The following DAPK2 variants were observed in gnomAD, a reference collection of about 807,000 sequenced individuals.
DAPK2 encodes the protein death associated protein kinase 2, also known as death-associated protein kinase 2.
In DAPK2, 35 loss-of-function variants were observed where a neutral mutation model predicts 44.1. That is an observed-to-expected ratio of 0.79 (90% CI 0.61 to 1.05). The LOEUF (loss-of-function observed/expected upper bound fraction) is 1.05, where lower values mean the gene tolerates loss of function less well. DAPK2 is among the 50% of genes least tolerant of loss of function. The pLI, the probability that DAPK2 is intolerant of heterozygous loss-of-function variation, is 0.00. For synonymous variants in DAPK2, 174 were observed against 182.6 expected, an observed-to-expected ratio of 0.95 and a Z score of 0.38; for missense variants, 453 against 483.2, an observed-to-expected ratio of 0.94 and a Z score of 0.59.
chr15:63,930,033 A>G (rs948433381), intron 5 of DAPK2, among the ~76,000 whole-genome samples: 2 of 152,230 alleles, frequency 1.3e-5, no homozygotes, highest in Non-Finnish European at 2.9e-5. Context: ...GGCCCAGCAC[A>G]GTGCCCAGAA....
chr15:64,037,546 G>A (rs917991914), intron 1 of DAPK2, among the ~76,000 whole-genome samples: 11 of 152,218 alleles, frequency 7.2e-5, no homozygotes, highest in Admixed American at 1.3e-4. Context: ...AACTGCCAGA[G>A]GACAGGACTG....
rs1190112329 is a variant in DAPK2, at chr15:63,923,504, TA to T, written c.858+1311del. 2.0e-5 allele frequency among the ~76,000 whole-genome samples: 3 copies of T among 152,164 alleles called. No homozygotes were observed. The highest frequency in any genetic ancestry group is 7.2e-5 in the African/African-American group (3 of 41,432). ...GTGGGATGAGCACCTCCTTAGGCCATAAGTGAGGTCAAGGAGTGTGGGGGTG... is the reference window on the plus strand; with the variant it reads ...GTGGGATGAGCACCTCCTTAGGCCATAGTGAGGTCAAGGAGTGTGGGGGTG... On this transcript the variant is annotated intron_variant, in intron 8 of 10. Transcript: ENST00000261891. The surrounding 1 kb of genome is among the most constrained non-coding windows in gnomAD (Gnocchi z 4.2).
chr15:64,009,411 G>A (rs2141012293), intron 1 of DAPK2, among the ~76,000 whole-genome samples: 1 of 152,178 alleles, frequency 6.6e-6, no homozygotes, highest in African/African-American at 2.4e-5. Context: ...CTCTGCTCAA[G>A]ATTATTTTCT....
At chr15:64,007,255 A>G (rs1474679722) in intron 1 of DAPK2, among the ~76,000 whole-genome samples, 1 of 152,084 alleles carries the variant, frequency 6.6e-6, no homozygotes, top group East Asian at 1.9e-4. Flanking sequence ...ACGCACCACC[A>G]TGCCCAGCCA....
chr15:63,947,912 C>A (rs1375474730), intron 3 of DAPK2, among the ~76,000 whole-genome samples: 1 of 152,152 alleles, frequency 6.6e-6, no homozygotes, highest in African/African-American at 2.4e-5. Flanking sequence ...CCAACCACCA[C>A]CAAGAGCTCT....
At chr15:64,040,119 G>C in intron 1 of DAPK2, 51 bp downstream of exon 2, 1 of 1,427,396 alleles carries the variant, frequency 7.0e-7, no homozygotes, top group Non-Finnish European at 9.9e-7. Context: ...GCCAGAAGAA[G>C]CATGACTTTG....
chr15:64,009,907 T>C (rs1440786859), intron 1 of DAPK2, among the ~76,000 whole-genome samples: 1 of 152,136 alleles, frequency 6.6e-6, no homozygotes, highest in Non-Finnish European at 1.5e-5. Flanking sequence ...AACACAGTCA[T>C]GATGAGTAAC....
intron 3 of DAPK2, among the ~76,000 whole-genome samples, chr15:63,945,491 T>G (rs74021206): frequency 0.026 from 4,003 of 152,134 alleles, 184 homozygotes; most frequent in African/African-American, 0.093. Context: ...AGGGCTGTGA[T>G]GCGGATGGAG....
intron 2 of DAPK2, among the ~76,000 whole-genome samples, chr15:63,981,186 G>A (rs991268379): frequency 1.3e-5 from 2 of 151,884 alleles, no homozygotes; most frequent in Non-Finnish European, 2.9e-5. Context: ...GGTTACATGG[G>A]TGGGACTGGT....
chr15:64,034,391 G>A (rs949274691), intron 1 of DAPK2, among the ~76,000 whole-genome samples: 4 of 152,190 alleles, frequency 2.6e-5, no homozygotes, highest in Non-Finnish European at 5.9e-5. Flanking sequence ...GGGAATCTTT[G>A]TCCACATTCA....
At chr15:64,014,166 C>A (rs1389989466) in intron 1 of DAPK2, among the ~76,000 whole-genome samples, 1 of 152,216 alleles carries the variant, frequency 6.6e-6, no homozygotes, top group African/African-American at 2.4e-5. Flanking sequence ...AAAGCATGGT[C>A]CATCCTGCAG....
upstream of DAPK2, chr15:64,046,361 G>GGGAGCGGCT: frequency 1.2e-5 from 5 of 418,120 alleles, 1 homozygote; most frequent in Non-Finnish European, 1.6e-5. This position sits in a 1 kb window ranked among gnomAD's most constrained non-coding sequence, Gnocchi z 5.3. Flanking sequence ...CGGGCGCGGC[G>GGGAGCGGCT]GGCGCGGCGG....
intron 3 of DAPK2, among the ~76,000 whole-genome samples, chr15:63,947,929 G>A (rs900355962): frequency 6.6e-6 from 1 of 152,128 alleles, no homozygotes; most frequent in South Asian, 2.1e-4. Context: ...CTCTGTGAGT[G>A]AGTCTTGCCT....
chr15:63,994,748 C>T (rs8029895), intron 1 of DAPK2, among the ~76,000 whole-genome samples: 6,407 of 152,144 alleles, frequency 0.042, 443 homozygotes, highest in African/African-American at 0.15. Context: ...CGCCACCATG[C>T]CTGGCTAATT....
intron 1 of DAPK2, among the ~76,000 whole-genome samples, chr15:64,036,299 GTGTGTGTGTGTATATATA>G (rs2080184519): frequency 2.1e-5 from 1 of 47,580 alleles, no homozygotes; most frequent in African/African-American, 4.2e-5. Context: ...GTGTGTGTGT[GTGTGTGTGTGTATATATA>G]TGTATATATA....
chr15:64,024,946 G>A (rs914486613), intron 1 of DAPK2, among the ~76,000 whole-genome samples: 2 of 152,176 alleles, frequency 1.3e-5, no homozygotes, highest in African/African-American at 4.8e-5. Flanking sequence ...GTTAGAAGCT[G>A]CCAGCAAGGA....
intron 1 of DAPK2, among the ~76,000 whole-genome samples, chr15:64,006,836 A>C (rs1313816424): frequency 6.6e-6 from 1 of 152,162 alleles, no homozygotes; most frequent in East Asian, 1.9e-4. Context: ...TGGCAGCTGG[A>C]GGAGGTGAGG....
chr15:63,954,491 T>A (rs939087098), intron 3 of DAPK2, among the ~76,000 whole-genome samples: 10 of 152,216 alleles, frequency 6.6e-5, no homozygotes, highest in Admixed American at 6.6e-4. Flanking sequence ...TTCTCTACTC[T>A]GTTTCTTTGG....
chr15:64,017,376 G>T (rs571344036), intron 1 of DAPK2, among the ~76,000 whole-genome samples: 2 of 152,302 alleles, frequency 1.3e-5, no homozygotes, highest in African/African-American at 4.8e-5. Context: ...GAAGGCATAG[G>T]AAGAGAGCAA....
Sources: allele counts gnomAD v4.1 joint callset (sites outside exome capture counted in the v4.1 genomes callset), GRCh38; gene constraint gnomAD v4.1.1; non-coding constraint Gnocchi (gnomAD v3.1); transcripts MANE v1.5; gene names NCBI Gene and HGNC (gene_info 2026-07-23, HGNC 2026-07-21).